The following ARHGAP19 variants were observed in gnomAD, a reference collection of about 807,000 sequenced individuals.
ARHGAP19 encodes rho GTPase-activating protein 19.
In ARHGAP19, 48 loss-of-function variants were observed where a neutral mutation model predicts 60.9. That is an observed-to-expected ratio of 0.79 (90% confidence interval 0.62 to 1.00). ARHGAP19 has a LOEUF of 1.00. Among genes scored for constraint, ARHGAP19 ranks in the 50% least tolerant of loss-of-function variants. ARHGAP19 has a pLI of 0.00. For missense variants in ARHGAP19, 562 were observed against 597.2 expected (o/e 0.94, Z 0.61); for synonymous variants, 209 against 215.5 (o/e 0.97, Z 0.27).
intron 1 of ARHGAP19, among the ~76,000 whole-genome samples, chr10:97,291,001 T>G (rs113177872): frequency 0.047 from 7,104 of 152,192 alleles, 284 homozygotes; most frequent in African/African-American, 0.11. Context: ...TAGCTGGGAA[T>G]GTGACCGCAT....
chr10:97,278,326 G>A (rs1186643290), intron 1 of ARHGAP19, among the ~76,000 whole-genome samples: 1 of 152,192 alleles, frequency 6.6e-6, no homozygotes, highest in Non-Finnish European at 1.5e-5. Flanking sequence ...CCTTGTGGCA[G>A]TCTTATTTTA....
chr10:97,236,240 G>A (rs1206637392), intron 8 of ARHGAP19, among the ~76,000 whole-genome samples: 1 of 151,988 alleles, frequency 6.6e-6, no homozygotes, highest in Non-Finnish European at 1.5e-5. Context: ...GCCTACCAAA[G>A]TGCTAGGATT....
chr10:97,231,617 T>G (rs1484055029), intron 9 of ARHGAP19, among the ~76,000 whole-genome samples: 1 of 152,190 alleles, frequency 6.6e-6, no homozygotes, highest in Non-Finnish European at 1.5e-5. Flanking sequence ...GATTCACGCA[T>G]GTTGTAGGAT....
chr10:97,268,457 A>G (rs1325235790), intron 1 of ARHGAP19, among the ~76,000 whole-genome samples: 1 of 152,176 alleles, frequency 6.6e-6, no homozygotes, highest in African/African-American at 2.4e-5. Context: ...ACTGGTACCA[A>G]TTTACTGTAT....
Position 97,263,644 on chromosome 10 carries a change from A to T in ARHGAP19, c.404-15T>A. 1 of 1,612,766 alleles carries T rather than the reference A, an allele frequency of 6.2e-7. No homozygotes were observed. Among genetic ancestry groups the T allele is most frequent in the South Asian group, 1.1e-5 (1 of 91,056 alleles). On this transcript the variant is annotated splice_polypyrimidine_tract_variant and intron_variant, in intron 3 of 11. Transcript: ENST00000358531. Reference sequence around the variant, plus strand: ...TACTCGCAAGTCTGTTTAGCATAAAACAAAGCAGAGGACAGGCAAAAAGGA... The same window carrying T: ...TACTCGCAAGTCTGTTTAGCATAAATCAAAGCAGAGGACAGGCAAAAAGGA...
At chr10:97,270,944 G>A in intron 1 of ARHGAP19, among the ~76,000 whole-genome samples, 1 of 152,170 alleles carries the variant, frequency 6.6e-6, no homozygotes, top group Admixed American at 6.5e-5. Flanking sequence ...CATATAACAG[G>A]TAGTTTTACA....
intron 9 of ARHGAP19, 63 bp from the exon 10 acceptor site, chr10:97,229,937 C>G: frequency 7.5e-6 from 9 of 1,201,996 alleles, no homozygotes; most frequent in Admixed American, 2.1e-5. Flanking sequence ...TGGAGCTATA[C>G]TAGCCTTCAA....
intron 8 of ARHGAP19, among the ~76,000 whole-genome samples, chr10:97,242,794 G>A (rs571031638): frequency 5.3e-5 from 8 of 152,168 alleles, no homozygotes; most frequent in Middle Eastern, 3.4e-3. Flanking sequence ...GATTACAGGC[G>A]TGAGCCACCA....
intron 1 of ARHGAP19, among the ~76,000 whole-genome samples, chr10:97,271,823 TA>T (rs1220750407): frequency 1.3e-5 from 2 of 151,922 alleles, no homozygotes; most frequent in African/African-American, 2.4e-5. Flanking sequence ...TAAAATTGTG[TA>T]TTGGTGTTTA....
intron 3 of ARHGAP19, among the ~76,000 whole-genome samples, chr10:97,264,327 C>T (rs942659928): frequency 2.0e-5 from 3 of 152,062 alleles, no homozygotes; most frequent in Non-Finnish European, 2.9e-5. Context: ...GTGGTGCAAG[C>T]TTGTGATCCC....
chr10:97,234,680 C>T (rs1851097033), intron 9 of ARHGAP19, among the ~76,000 whole-genome samples: 1 of 151,268 alleles, frequency 6.6e-6, no homozygotes. Flanking sequence ...GCAGCAATAA[C>T]ATAGAAGCAT....
chr10:97,264,290 A>G (rs1054634949), intron 3 of ARHGAP19, among the ~76,000 whole-genome samples: 6 of 152,112 alleles, frequency 3.9e-5, no homozygotes, highest in Non-Finnish European at 7.4e-5. Context: ...CATCTCTACA[A>G]AAAACTACAA....
chr10:97,263,313 A>G (rs1842855014), intron 4 of ARHGAP19, 107 bp downstream of exon 4: 2 of 1,150,272 alleles, frequency 1.7e-6, no homozygotes, highest in South Asian at 1.3e-5. Context: ...ATCTTAACCA[A>G]TATTAATAGA....
intron 5 of ARHGAP19, among the ~76,000 whole-genome samples, chr10:97,256,918 G>A (rs1398236953): frequency 2.6e-5 from 4 of 152,066 alleles, no homozygotes; most frequent in African/African-American, 7.2e-5. Flanking sequence ...TCAGGAGATT[G>A]AGACCATCCT....
At chr10:97,249,155 A>T (rs1259328495) in intron 6 of ARHGAP19, among the ~76,000 whole-genome samples, 1 of 152,218 alleles carries the variant, frequency 6.6e-6, no homozygotes, top group African/African-American at 2.4e-5. Flanking sequence ...TCCAAAGAAG[A>T]AACTCAGCTT....
At chr10:97,239,657 A>AG (rs1202607954) in intron 8 of ARHGAP19, among the ~76,000 whole-genome samples, 1 of 150,570 alleles carries the variant, frequency 6.6e-6, no homozygotes, top group Non-Finnish European at 1.5e-5. Flanking sequence ...AAAAGATATT[A>AG]GGGGAAAAAA....
intron 9 of ARHGAP19, among the ~76,000 whole-genome samples, chr10:97,231,687 G>A (rs1202030886): frequency 6.6e-6 from 1 of 151,856 alleles, no homozygotes; most frequent in Non-Finnish European, 1.5e-5. Context: ...TATATCCAAG[G>A]TTTGTCATCC....
At chr10:97,228,954 C>CATTT (rs1461305733) in intron 11 of ARHGAP19, 193 bp downstream of exon 11, 1 of 691,930 alleles carries the variant, frequency 1.4e-6, no homozygotes, top group African/African-American at 1.8e-5. Context: ...CTACCCTTAG[C>CATTT]ACCCAAGACA....
chr10:97,285,322 T>G (rs908564962), intron 1 of ARHGAP19, among the ~76,000 whole-genome samples: 1 of 152,202 alleles, frequency 6.6e-6, no homozygotes, highest in South Asian at 2.1e-4. Context: ...ATACAATTTT[T>G]TAAAACAAAT....
Sources: allele counts gnomAD v4.1 joint callset (sites outside exome capture counted in the v4.1 genomes callset), GRCh38; gene constraint gnomAD v4.1.1; transcripts MANE v1.5; gene names NCBI Gene and HGNC (gene_info 2026-07-23, HGNC 2026-07-21).